Variants in COL4A3 observed in about 807,000 individuals in gnomAD.
The protein encoded by COL4A3 is collagen alpha-3(IV) chain.
Under a neutral mutation model 217.4 loss-of-function variants are expected in COL4A3, and 135 were observed. That is an observed-to-expected ratio of 0.62 (90% CI 0.54 to 0.72). COL4A3 has a LOEUF of 0.72. COL4A3 is among the 30% of genes least tolerant of loss of function. COL4A3 has a pLI of 0.00. For missense variants in COL4A3, 1,868 were observed against 2,119.9 expected (o/e 0.88, Z 2.33); for synonymous variants, 690 against 736.3 (o/e 0.94, Z 1.02).
chr2:227,258,656 T>C (rs1194033936), intron 18 of COL4A3, among the ~76,000 whole-genome samples: 2 of 152,214 alleles, frequency 1.3e-5, no homozygotes, highest in African/African-American at 4.8e-5. Flanking sequence ...ATCCCATTAA[T>C]GAGAGAGAAA....
chr2:227,228,241 A>G (rs953770037), intron 1 of COL4A3, among the ~76,000 whole-genome samples: 14 of 152,204 alleles, frequency 9.2e-5, no homozygotes, highest in African/African-American at 3.1e-4. Context: ...GCATCCCGCA[A>G]AGCAGTCCAT....
chr2:227,261,920 G>T (rs2070598852), intron 20 of COL4A3, among the ~76,000 whole-genome samples: 1 of 152,164 alleles, frequency 6.6e-6, no homozygotes, highest in Admixed American at 6.5e-5. Context: ...GGTCCACAGG[G>T]ACTCATCAAG....
chr2:227,195,338 A>G (rs2066425044), intron 1 of COL4A3, among the ~76,000 whole-genome samples: 1 of 152,244 alleles, frequency 6.6e-6, no homozygotes, highest in Non-Finnish European at 1.5e-5. Context: ...ATAAAAACTC[A>G]GTATAATCAT....
intron 1 of COL4A3, among the ~76,000 whole-genome samples, chr2:227,194,536 G>C (rs2066395764): frequency 6.6e-6 from 1 of 152,186 alleles, no homozygotes; most frequent in Non-Finnish European, 1.5e-5. Context: ...CCCTTTCTGT[G>C]GTCCTCATGG....
intron 38 of COL4A3, chr2:227,293,837 T>A: frequency 2.1e-6 from 1 of 466,546 alleles, no homozygotes. Flanking sequence ...CTTCTTCCAG[T>A]GTTTTCCAAG....
At chr2:227,244,673 A>G (rs1179437914) in intron 4 of COL4A3, 1 of 628,618 alleles carries the variant, frequency 1.6e-6, no homozygotes, top group Middle Eastern at 4.3e-4. Context: ...GCTGTTCTCA[A>G]AAGATTGGAG....
At chr2:227,302,750 T>C (rs937012026) in intron 43 of COL4A3, among the ~76,000 whole-genome samples, 3 of 142,480 alleles carry the variant, frequency 2.1e-5, no homozygotes, top group African/African-American at 7.9e-5. Flanking sequence ...ACACAGAATA[T>C]CCAGTTGAAT....
chr2:227,304,267 C>A lies in COL4A3; in HGVS notation c.4153+123C>A, dbSNP rs1050320674. ...ATGTTGAACATGATAGTGGTTTTCA[C>A]AATCAGTCTTAGGATTGAGCTCATT... On this transcript the variant is annotated intron_variant, in intron 46 of 51. Coordinates refer to ENST00000396578, the MANE Select transcript of COL4A3 (RefSeq NM_000091.5). The A allele has an allele frequency of 3.8e-6, 5 of 1,306,550 alleles. No individual in the cohort carries two copies. The African/African-American group carries it at 7.3e-5, about 19-fold the overall frequency. The allele number at this position is 1,306,550 out of a possible 1,614,324, so 80.9% of individuals were successfully genotyped here.
intron 44 of COL4A3, 147 bp from the exon 45 acceptor site, chr2:227,303,712 T>G: frequency 1.3e-6 from 1 of 781,804 alleles, no homozygotes; most frequent in Non-Finnish European, 2.2e-6. Context: ...GTGAACAAAA[T>G]GAAATTGTAG....
At chr2:227,251,007 C>G (rs2069708536) in intron 9 of COL4A3, 133 bp from the exon 10 acceptor site, 1 of 739,166 alleles carries the variant, frequency 1.4e-6, no homozygotes, top group Non-Finnish European at 2.4e-6. Context: ...TTATCATTAG[C>G]TGCAGCCACT....
intron 1 of COL4A3, among the ~76,000 whole-genome samples, chr2:227,223,726 T>A (rs2067938079): frequency 1.3e-5 from 2 of 150,552 alleles, no homozygotes; most frequent in Admixed American, 6.7e-5. Context: ...AGAATGAGAC[T>A]CTGTCTCAAA....
chr2:227,301,401 G>A (rs1278687450), intron 43 of COL4A3, among the ~76,000 whole-genome samples: 1 of 152,190 alleles, frequency 6.6e-6, no homozygotes, highest in Non-Finnish European at 1.5e-5. Flanking sequence ...GCGTAATGAG[G>A]TGCTTTGCCA....
rs1157110004 is a variant in COL4A3, at chr2:227,312,083, T to C, written c.*213T>C. The C allele has an allele frequency of 2.5e-6, 2 of 790,162 alleles. No homozygotes were observed. The highest frequency in any genetic ancestry group is 3.0e-5 in the Admixed American group (1 of 33,218). The allele number at this position is 790,162 out of a possible 1,614,324, so 48.9% of individuals were successfully genotyped here. On this transcript the variant is annotated 3_prime_UTR_variant, in exon 52 of 52. Coordinates refer to ENST00000396578, the MANE Select transcript of COL4A3 (RefSeq NM_000091.5). ...TAATCTGTGCTGTTTCAAAGTTCTC[T>C]GTGGCAAAGCAGCAACTATTCACAA...
chr2:227,254,809 C>A, intron 15 of COL4A3, 94 bp downstream of exon 15: 1 of 900,562 alleles, frequency 1.1e-6, no homozygotes, highest in Non-Finnish European at 1.9e-6. Flanking sequence ...CTCAAACTAG[C>A]TCAAGCTAAA....
chr2:227,211,359 C>T (rs1236967211), intron 1 of COL4A3, among the ~76,000 whole-genome samples: 1 of 152,144 alleles, frequency 6.6e-6, no homozygotes, highest in Non-Finnish European at 1.5e-5. Context: ...ATGAATGTAA[C>T]AAAATTTGTT....
chr2:227,194,494 A>G (rs2066394175), intron 1 of COL4A3, among the ~76,000 whole-genome samples: 1 of 152,116 alleles, frequency 6.6e-6, no homozygotes, highest in African/African-American at 2.4e-5. Flanking sequence ...TTTTGCCAGA[A>G]GCCTGAAAGC....
At chr2:227,170,965 C>A (rs1577017689) in intron 1 of COL4A3, among the ~76,000 whole-genome samples, 3 of 152,174 alleles carry the variant, frequency 2.0e-5, no homozygotes, top group Admixed American at 1.3e-4. Flanking sequence ...AACTATTTAA[C>A]CATCCTTGTA....
Position 227,307,872 on chromosome 2 carries a change from C to G in COL4A3, c.4415C>G (p.Ser1472Cys). ...EGTVPLYSGF[S>C]FLFVQGNQRA... ...ACAGTGCCACTCTACAGTGGGTTTT[C>G]TTTTCTTTTTGTACAAGGAAATCAA... The change falls in exon 48 of 52, where the codon TCT (serine) becomes TGT (cysteine). Residue 1472 changes from serine to cysteine, a missense_variant. By Grantham distance (112) the Ser-to-Cys change is moderately radical (BLOSUM62 -1). Around this residue, in one of 2 missense-constraint regions of COL4A3, gnomAD observed 1,503 missense variants for 1,786.1 expected, o/e 0.84. Transcript: ENST00000396578. 6.2e-7 allele frequency: 1 copy of G among 1,614,048 alleles called. No individual in the cohort carries two copies. Among genetic ancestry groups the G allele is most frequent in the Non-Finnish European group, 8.5e-7 (1 of 1,179,982 alleles).
At chr2:227,172,221 C>T (rs1321492064) in intron 1 of COL4A3, among the ~76,000 whole-genome samples, 2 of 152,232 alleles carry the variant, frequency 1.3e-5, no homozygotes, top group Non-Finnish European at 2.9e-5. Flanking sequence ...CTGCCTTTCC[C>T]TGGCACTGGC....
Sources: gnomAD v4.1 joint callset for allele counts (sites outside exome capture counted in the v4.1 genomes callset) on GRCh38, gnomAD v4.1.1 for gene constraint, gnomAD v4.1.1 regional missense constraint, MANE v1.5 for transcripts, NCBI Gene and HGNC (gene_info 2026-07-23, HGNC 2026-07-21) for gene names.